The following SAFB variants were observed in gnomAD, a reference collection of about 807,000 sequenced individuals.
SAFB encodes the protein scaffold attachment factor B1.
A neutral mutation model predicts 101.6 loss-of-function variants in SAFB; 15 were observed. The observed-to-expected ratio is 0.15, with a 90% confidence interval of 0.10 to 0.23. The LOEUF (loss-of-function observed/expected upper bound fraction) is 0.23, where lower values mean the gene tolerates loss of function less well. Among genes scored for constraint, SAFB ranks in the 10% least tolerant of loss-of-function variants. SAFB has a pLI of 1.00. For synonymous variants in SAFB, 449 were observed against 407.5 expected, an observed-to-expected ratio of 1.10 and a Z score of -1.23; for missense variants, 930 against 1,104.1, an observed-to-expected ratio of 0.84 and a Z score of 2.23.
chr19:5,663,831 TG>T (rs1363779825), intron 15 of SAFB, among the ~76,000 whole-genome samples, 190 bp from the exon 16 acceptor site: 2 of 151,792 alleles, frequency 1.3e-5, no homozygotes, highest in Non-Finnish European at 2.9e-5. Flanking sequence ...TCAGGGGAGG[TG>T]GGTGCATGGG....
In SAFB at chr19:5,667,840, G is replaced by A. The variant is rs752641758; in HGVS notation, c.2578G>A (p.Gly860Ser). 69 of 1,613,594 alleles carry A rather than the reference G, an allele frequency of 4.3e-5. No individual in the cohort carries two copies. Among genetic ancestry groups the A allele is most frequent in the Admixed American group, 1.2e-4 (7 of 59,952 alleles). ...RWQGGERSMS[G>S]HSGPGHMMNR... ...TCCAGGTGGCGAGAGAAGCATGTCC[G>A]GTCACTCCGGGCCTGGCCACATGAT... The change falls in exon 20 of 21, where the codon GGT becomes AGT. Residue 860 changes from glycine (G) to serine (S), a missense_variant. Around this residue, in one of 7 missense-constraint regions of SAFB, gnomAD observed 318 missense variants for 342.6 expected, o/e 0.93. Transcript: ENST00000588852. The surrounding 1 kb of genome is among the most constrained non-coding windows in gnomAD (Gnocchi z 4.0).
chr19:5,663,259 C>T (rs1376722756), intron 15 of SAFB, among the ~76,000 whole-genome samples: 1 of 152,198 alleles, frequency 6.6e-6, no homozygotes, highest in East Asian at 1.9e-4. Context: ...CCTTGGCCTC[C>T]CAAAGTGCTG....
chr19:5,653,180 G>A lies in SAFB; in HGVS notation c.1359G>A (p.Thr453=), dbSNP rs1199546779. The stretch of plus-strand genomic sequence containing the variant: ...GAGCTCGCTGTTACGGTTTTGTCAC[G>A]ATGTCCACAGCAGAAGAGGCCACAA... ...SPGARCYGFV[T]MSTAEEATKC... Residue 453 remains threonine, a synonymous_variant, in exon 10 of 21, where the codon ACG becomes ACA. Coordinates refer to ENST00000588852, the MANE Select transcript of SAFB (RefSeq NM_001201338.2). 16 of 1,614,094 alleles carry A rather than the reference G, an allele frequency of 9.9e-6. No homozygotes were observed. The highest frequency in any genetic ancestry group is 1.3e-5 in the Non-Finnish European group (15 of 1,180,032).
At position 5,647,916 on chromosome 19, in the gene SAFB, G is replaced by A. The variant is rs1244549225; in HGVS notation, c.610-100G>A. 1.4e-5 allele frequency: 16 copies of A among 1,127,976 alleles called. 1 individual carries two copies. Among genetic ancestry groups the A allele is most frequent in the Middle Eastern group, 1.9e-4 (1 of 5,140 alleles). 69.9% of individuals were successfully genotyped at this position (1,127,976 alleles called of 1,614,324 possible). ...CTTGAGTTTGTGAGTTTCCCTCCCTGGATTTTTAAAATTCCCTCTTTAGTT... is the reference window on the plus strand; with the variant it reads ...CTTGAGTTTGTGAGTTTCCCTCCCTAGATTTTTAAAATTCCCTCTTTAGTT... On this transcript the variant is annotated intron_variant, in intron 5 of 20. Coordinates refer to ENST00000588852, the MANE Select transcript of SAFB (RefSeq NM_001201338.2).
chr19:5,641,435 C>T (rs79931869), intron 2 of SAFB, among the ~76,000 whole-genome samples, 159 bp from the exon 3 acceptor site: 5,015 of 151,706 alleles, frequency 0.033, 96 homozygotes, highest in Non-Finnish European at 0.047. Context: ...GCAGGGCTGT[C>T]TTGTGCGGAA....
At chr19:5,642,559 C>G (rs2053740595) in intron 4 of SAFB, among the ~76,000 whole-genome samples, 1 of 150,126 alleles carries the variant, frequency 6.7e-6, no homozygotes, top group African/African-American at 2.5e-5. Flanking sequence ...AATTTTTTTC[C>G]TGTTAGAAAC....
chr19:5,648,686 A>G (rs2053874544), intron 6 of SAFB, among the ~76,000 whole-genome samples: 1 of 152,248 alleles, frequency 6.6e-6, no homozygotes, highest in Non-Finnish European at 1.5e-5. Flanking sequence ...TGGAAGCTAA[A>G]TTTGGAAGAG....
At chr19:5,641,970 G>T (rs759396649) in intron 4 of SAFB, 24 bp downstream of exon 4, 1 of 1,582,150 alleles carries the variant, frequency 6.3e-7, no homozygotes, top group South Asian at 1.1e-5. Flanking sequence ...AATGTCTCTA[G>T]AATGTGCCCT....
chr19:5,640,874 G>A (rs1343003363), intron 2 of SAFB, among the ~76,000 whole-genome samples: 1 of 151,558 alleles, frequency 6.6e-6, no homozygotes, highest in Admixed American at 6.6e-5. Context: ...TAACAGGCAT[G>A]AGCCACCGTG....
At chr19:5,624,577 C>G (rs531378725) in intron 1 of SAFB, among the ~76,000 whole-genome samples, 1 of 152,082 alleles carries the variant, frequency 6.6e-6, no homozygotes, top group African/African-American at 2.4e-5. Flanking sequence ...TGGCCGCCCA[C>G]CCCCCAGCCC....
intron 17 of SAFB, 46 bp downstream of exon 17, chr19:5,664,485 G>T: frequency 1.3e-6 from 2 of 1,495,330 alleles, no homozygotes; most frequent in South Asian, 2.3e-5. Context: ...CCCATAGAAT[G>T]GGTTCTTTTC....
In SAFB at chr19:5,667,489, G is replaced by A. The variant is rs1269032307; in HGVS notation, c.2557+39G>A. 1 of 1,395,380 alleles carries A rather than the reference G, an allele frequency of 7.2e-7. No homozygotes were observed. The highest frequency in any genetic ancestry group is 1.5e-5 in the African/African-American group (1 of 68,240). The allele number at this position is 1,395,380 out of a possible 1,614,324, so 86.4% of individuals were successfully genotyped here. A position where few individuals can be genotyped will look rare whatever the true frequency, so the allele number is the denominator to read the frequency against. On this transcript the variant is annotated intron_variant, in intron 19 of 20. Transcript: ENST00000588852. The surrounding 1 kb of genome is among the most constrained non-coding windows in gnomAD (Gnocchi z 4.0). ...CTGGGCTGGGACCAGGATGTGCTGG[G>A]GAGTGATGGAAAGATGGAGGCCGCG...
chr19:5,664,287 C>A, intron 16 of SAFB, 110 bp from the exon 17 acceptor site: 1 of 1,424,204 alleles, frequency 7.0e-7, no homozygotes, highest in Non-Finnish European at 9.9e-7. Context: ...ACCCGCAGGT[C>A]TCCTGCCTTC....
chr19:5,638,714 CTTT>C (rs758543978), intron 2 of SAFB, among the ~76,000 whole-genome samples: 7 of 116,358 alleles, frequency 6.0e-5, no homozygotes, highest in East Asian at 2.5e-4. Flanking sequence ...TAATCTTAGT[CTTT>C]TTTTTTTTTT....
Position 5,668,157 on chromosome 19 carries a change from C to T in SAFB, c.2625-5C>T. The T allele has an allele frequency of 6.2e-7, 1 of 1,606,414 alleles. No homozygotes were observed. Among genetic ancestry groups the T allele is most frequent in the Non-Finnish European group, 8.5e-7 (1 of 1,177,276 alleles). On this transcript the variant is annotated splice_polypyrimidine_tract_variant and splice_region_variant and intron_variant, in intron 20 of 20. Coordinates refer to ENST00000588852, the MANE Select transcript of SAFB (RefSeq NM_001201338.2). ...GCAGTCAAACCAATGTGAATTTGTT[C>T]CTAGGCGCGGCAGCTTTGCCCCAGG...
rs1433553777 is a variant in SAFB at position 5,641,684 on chromosome 19, G to C, written c.339+26G>C. On this transcript the variant is annotated intron_variant, in intron 3 of 20. Transcript: ENST00000588852. ...GTATGTGCAGCCTTGCGAGTGAGTA[G>C]CGTGGTGGATGGACCAGTGGCGGTC... 3 of 1,613,608 alleles carry C rather than the reference G, an allele frequency of 1.9e-6. No homozygotes were observed. The African/African-American group carries it at 4.0e-5, about 22-fold the overall frequency.
At chr19:5,662,242 A>C (rs987563725) in intron 15 of SAFB, among the ~76,000 whole-genome samples, 3 of 152,154 alleles carry the variant, frequency 2.0e-5, no homozygotes, top group Admixed American at 2.0e-4. Flanking sequence ...TCACGCCTGT[A>C]ATCCTAACAT....
Position 5,628,556 on chromosome 19 carries a change from C to G in SAFB, c.274+2067C>G, listed in dbSNP as rs900309886. Among the ~76,000 whole-genome samples the G allele has an allele frequency of 3.3e-5, 5 of 152,140 alleles. No individual in the cohort carries two copies. The South Asian group carries it at 1.0e-3, about 32-fold the overall frequency. The stretch of plus-strand genomic sequence containing the variant: ...CTACTTGTGGCAATATGTCAGTGCT[C>G]AGAAGGTTTCAGTTTCAGATAGGGT... On this transcript the variant is annotated intron_variant, in intron 2 of 20. Coordinates refer to ENST00000588852, the MANE Select transcript of SAFB (RefSeq NM_001201338.2).
chr19:5,661,700 G>A lies in SAFB; in HGVS notation c.2045G>A (p.Arg682His), dbSNP rs1398679827. 4.4e-6 allele frequency: 7 copies of A among 1,604,428 alleles called. No homozygotes were observed. The highest frequency in any genetic ancestry group is 5.9e-6 in the Non-Finnish European group (7 of 1,177,134). Residue 682 changes from arginine to histidine, a missense_variant, in exon 15 of 21, where the codon CGC becomes CAC. Coordinates refer to ENST00000588852, the MANE Select transcript of SAFB (RefSeq NM_001201338.2). ...ERMHVEHERR[R>H]EQERIHRERE... is the part of the protein sequence containing the mutation. ...ATGCACGTGGAGCACGAGCGCAGGC[G>A]CGAGCAGGAGCGCATCCACCGTGAG...
Sources: gnomAD v4.1 joint callset for allele counts (sites outside exome capture counted in the v4.1 genomes callset) on GRCh38, gnomAD v4.1.1 for gene constraint, gnomAD v4.1.1 regional missense constraint, Gnocchi (gnomAD v3.1) non-coding constraint, MANE v1.5 for transcripts, NCBI Gene and HGNC (gene_info 2026-07-23, HGNC 2026-07-21) for gene names.